RGL1: variants seen among roughly 807,000 people sequenced by gnomAD.
RGL1 encodes the protein ral guanine nucleotide dissociation stimulator like 1.
A neutral mutation model predicts 95.2 loss-of-function variants in RGL1; 24 were observed. The ratio of observed to expected loss-of-function variants is 0.25; its 90% CI spans 0.18 to 0.35. RGL1 has a LOEUF of 0.35. Among genes scored for constraint, RGL1 ranks in the 10% least tolerant of loss-of-function variants. The pLI is 1.00. For synonymous variants in RGL1, 329 were observed against 344.9 expected, an observed-to-expected ratio of 0.95 and a Z score of 0.51; for missense variants, 715 against 936.3, an observed-to-expected ratio of 0.76 and a Z score of 3.08.
intron 4 of RGL1, among the ~76,000 whole-genome samples, chr1:183,879,806 A>G (rs560514231): frequency 6.6e-6 from 1 of 152,356 alleles, no homozygotes; most frequent in East Asian, 1.9e-4. Context: ...TCTAGCCTTC[A>G]GTGAGTGGGT....
intron 2 of RGL1, among the ~76,000 whole-genome samples, chr1:183,826,354 CCTT>C (rs1427090492): frequency 6.6e-6 from 1 of 152,194 alleles, no homozygotes; most frequent in Non-Finnish European, 1.5e-5. Flanking sequence ...TTTACTTCCT[CCTT>C]AACACCACTG....
At chr1:183,714,168 T>C (rs1460473239) in intron 1 of RGL1, among the ~76,000 whole-genome samples, 1 of 152,228 alleles carries the variant, frequency 6.6e-6, no homozygotes, top group Admixed American at 6.5e-5. Context: ...GTTTTCCTCT[T>C]ATTGGGCAGA....
intron 2 of RGL1, among the ~76,000 whole-genome samples, chr1:183,847,220 G>A (rs1374891229): frequency 1.3e-5 from 2 of 152,118 alleles, no homozygotes; most frequent in African/African-American, 4.8e-5. Flanking sequence ...AGGCCAAGGC[G>A]AGAGGGTTGC....
At chr1:183,849,857 G>T (rs1053601475) in intron 3 of RGL1, among the ~76,000 whole-genome samples, 1 of 152,062 alleles carries the variant, frequency 6.6e-6, no homozygotes, top group African/African-American at 2.4e-5. Context: ...CGGAATAGTT[G>T]GTTGAGAATT....
At chr1:183,907,661 T>G (rs1258384560) in intron 14 of RGL1, among the ~76,000 whole-genome samples, 3 of 152,150 alleles carry the variant, frequency 2.0e-5, no homozygotes, top group African/African-American at 7.2e-5. Flanking sequence ...GAGAACCCTT[T>G]CTAATGTTGC....
In RGL1 at chr1:183,926,568, A is replaced by G. The variant is rs1442900586; in HGVS notation, c.*276A>G. The G allele has an allele frequency of 4.4e-6, 1 of 229,096 alleles. No individual in the cohort carries two copies. The highest frequency in any genetic ancestry group is 8.6e-6 in the Non-Finnish European group (1 of 116,484). The allele number at this position is 229,096 out of a possible 1,614,324, so 14.2% of individuals were successfully genotyped here. The stretch of plus-strand genomic sequence containing the variant: ...ATTTAAAACATATATATGCACATGT[A>G]TTTGGTATGCATGTGTATCTATATA... On this transcript the variant is annotated 3_prime_UTR_variant, in exon 18 of 18. Transcript: ENST00000360851.
Position 183,648,200 on chromosome 1 carries a change from C to A in RGL1, c.-33+11699C>A, listed in dbSNP as rs769729996. The A allele has an allele frequency of 2.8e-5, 46 of 1,614,152 alleles. 1 individual carries two copies. In the South Asian group the frequency reaches 4.9e-4, roughly 17 times the overall value. On this transcript the variant is annotated intron_variant, in intron 1 of 18. Transcript: ENST00000304685. ...TTATAAAGCTGTGGAGAACAGAATG[C>A]CAGATCCCACCACTTATTGGACTCA...
intron 1 of RGL1, among the ~76,000 whole-genome samples, chr1:183,643,266 ATTTATT>A (rs1558128991): frequency 0.014 from 1,871 of 137,792 alleles, 44 homozygotes; most frequent in African/African-American, 0.047. Flanking sequence ...CTGTTTTTTT[ATTTATT>A]TATTTATTTA....
chr1:183,652,541 T>A (rs1650839211), intron 1 of RGL1, among the ~76,000 whole-genome samples: 1 of 152,222 alleles, frequency 6.6e-6, no homozygotes, highest in Non-Finnish European at 1.5e-5. Context: ...GTTTATTGTA[T>A]CAATTTGTTA....
upstream of RGL1, among the ~76,000 whole-genome samples, chr1:183,803,491 A>C (rs1440800336): frequency 1.3e-5 from 2 of 152,162 alleles, no homozygotes; most frequent in Admixed American, 1.3e-4. Context: ...TTCCCTTTAC[A>C]CACTAGGTGG....
intron 1 of RGL1, among the ~76,000 whole-genome samples, chr1:183,725,854 A>G (rs966574101): frequency 1.3e-5 from 2 of 152,228 alleles, no homozygotes; most frequent in Non-Finnish European, 2.9e-5. Context: ...CAAATGCAAA[A>G]TATACATTCT....
intron 2 of RGL1, among the ~76,000 whole-genome samples, chr1:183,812,262 T>G (rs1448947886): frequency 1.3e-5 from 2 of 152,236 alleles, no homozygotes; most frequent in Admixed American, 6.5e-5. Context: ...AAATGTTACT[T>G]CATTCCACCA....
At chr1:183,875,577 C>T (rs1666444219) in intron 4 of RGL1, among the ~76,000 whole-genome samples, 1 of 152,066 alleles carries the variant, frequency 6.6e-6, no homozygotes. Context: ...TTCTGGTTGG[C>T]TGAGAAATCA....
At position 183,919,123 on chromosome 1, in the gene RGL1, T is replaced by C. The variant is rs550957715; in HGVS notation, c.2004+2422T>C. On this transcript the variant is annotated intron_variant, in intron 16 of 17. Coordinates refer to ENST00000360851, the MANE Select transcript of RGL1 (RefSeq NM_001297671.3). ...AACTGAGAAACTTTCAAAATGTTGATTAATTCATTTAAAATAACAATAATG... is the reference window on the plus strand; with the variant it reads ...AACTGAGAAACTTTCAAAATGTTGACTAATTCATTTAAAATAACAATAATG... Among the ~76,000 whole-genome samples, 6 of 152,366 alleles carry C rather than the reference T, an allele frequency of 3.9e-5. No homozygotes were observed. In the East Asian group the frequency reaches 1.2e-3, roughly 29 times the overall value.
chr1:183,725,738 C>T (rs1656276853), intron 1 of RGL1, among the ~76,000 whole-genome samples: 2 of 152,094 alleles, frequency 1.3e-5, no homozygotes, highest in Admixed American at 1.3e-4. Flanking sequence ...CAAATTTCAC[C>T]ACTCCTTTTA....
chr1:183,884,082 A>G (rs1325175537), intron 6 of RGL1, among the ~76,000 whole-genome samples, 172 bp downstream of exon 6: 1 of 152,230 alleles, frequency 6.6e-6, no homozygotes, highest in East Asian at 1.9e-4. Context: ...CAATCATCTG[A>G]ATAATTCAGG....
intron 2 of RGL1, among the ~76,000 whole-genome samples, chr1:183,816,839 T>C (rs1312327595): frequency 6.6e-6 from 1 of 152,144 alleles, no homozygotes; most frequent in African/African-American, 2.4e-5. Context: ...TGAGAGGTGA[T>C]GTTCAGCTAG....
chr1:183,648,154 CAT>C (rs1185554934), intron 1 of RGL1: 2 of 1,614,190 alleles, frequency 1.2e-6, no homozygotes, highest in South Asian at 1.1e-5. Flanking sequence ...GGCTGAAAAA[CAT>C]GTGATCCTGA....
At chr1:183,639,346 T>A (rs16828976) in intron 1 of RGL1, among the ~76,000 whole-genome samples, 10,321 of 151,830 alleles carry the variant, frequency 0.068, 621 homozygotes, top group African/African-American at 0.16. Flanking sequence ...ATTTTTATTA[T>A]TTGAAATAGA....
Sources: gnomAD v4.1 joint callset for allele counts (sites outside exome capture counted in the v4.1 genomes callset) on GRCh38, gnomAD v4.1.1 for gene constraint, MANE v1.5 for transcripts, NCBI Gene and HGNC (gene_info 2026-07-23, HGNC 2026-07-21) for gene names.